The following ADGRL2 variants were observed in gnomAD, a reference collection of about 807,000 sequenced individuals.
The protein encoded by ADGRL2 is calcium-independent alpha-latrotoxin receptor 2.
In ADGRL2, 44 loss-of-function variants were observed where a neutral mutation model predicts 157.4. The ratio of observed to expected loss-of-function variants is 0.28; its 90% CI spans 0.22 to 0.36. ADGRL2 has a LOEUF of 0.36. Ranked by LOEUF, ADGRL2 falls within the 10% of genes least tolerant of loss-of-function variation. The pLI is 1.00. For synonymous variants in ADGRL2, 585 were observed against 624.7 expected (o/e 0.94, Z 0.95); for missense variants, 1,510 against 1,768.9 (o/e 0.85, Z 2.63).
At chr1:81,599,651 C>G (rs751090698) in intron 3 of ADGRL2, among the ~76,000 whole-genome samples, 8 of 152,084 alleles carry the variant, frequency 5.3e-5, no homozygotes, top group Non-Finnish European at 2.9e-5. Context: ...ATTCATCTTT[C>G]CATACAGTTT....
intron 1 of ADGRL2, among the ~76,000 whole-genome samples, chr1:81,804,073 A>G (rs1039405298): frequency 2.6e-5 from 4 of 152,202 alleles, no homozygotes; most frequent in African/African-American, 9.6e-5. Flanking sequence ...TTTGGTACTC[A>G]TCTGTGGCAA....
At chr1:81,330,247 T>A (rs1049812312) in intron 1 of ADGRL2, among the ~76,000 whole-genome samples, 1 of 152,078 alleles carries the variant, frequency 6.6e-6, no homozygotes, top group African/African-American at 2.4e-5. Flanking sequence ...CAGAAGATAA[T>A]CTCAAATACT....
At chr1:81,705,197 A>G (rs193086089) in intron 1 of ADGRL2, among the ~76,000 whole-genome samples, 68 of 152,172 alleles carry the variant, frequency 4.5e-4, no homozygotes, top group African/African-American at 1.6e-3. Flanking sequence ...GATTACAGGC[A>G]TCCGCCACCA....
chr1:81,636,308 T>C (rs1341563478), intron 3 of ADGRL2, among the ~76,000 whole-genome samples: 1 of 152,248 alleles, frequency 6.6e-6, no homozygotes, highest in African/African-American at 2.4e-5. Context: ...TGTGTGTATG[T>C]ATGTAGGAAA....
intron 3 of ADGRL2, among the ~76,000 whole-genome samples, chr1:81,683,638 C>T (rs928949778): frequency 6.6e-6 from 1 of 151,780 alleles, no homozygotes; most frequent in African/African-American, 2.4e-5. Flanking sequence ...CCTTTTATGG[C>T]TGCGTAGTAT....
At chr1:81,674,472 A>G (rs1252094388) in intron 3 of ADGRL2, among the ~76,000 whole-genome samples, 1 of 152,172 alleles carries the variant, frequency 6.6e-6, no homozygotes, top group Non-Finnish European at 1.5e-5. Flanking sequence ...CTAGTCAGGC[A>G]TGTGCACCGG....
intron 1 of ADGRL2, among the ~76,000 whole-genome samples, chr1:81,402,185 GGGGTCCTGATA>G (rs2076769022): frequency 6.6e-6 from 1 of 152,080 alleles, no homozygotes; most frequent in African/African-American, 2.4e-5. Flanking sequence ...CCTATACTGT[GGGGTCCTGATA>G]GGATCCTTGC....
chr1:81,316,055 C>G (rs185736799), intron 1 of ADGRL2, among the ~76,000 whole-genome samples: 1 of 151,764 alleles, frequency 6.6e-6, no homozygotes, highest in Admixed American at 6.6e-5. Context: ...GGGAAATCTT[C>G]CTTTCTTCCC....
At chr1:81,674,787 C>T (rs1452421607) in intron 3 of ADGRL2, among the ~76,000 whole-genome samples, 1 of 152,124 alleles carries the variant, frequency 6.6e-6, no homozygotes, top group Non-Finnish European at 1.5e-5. Flanking sequence ...ATTGGCACTA[C>T]AGGCACATTG....
intron 1 of ADGRL2, among the ~76,000 whole-genome samples, chr1:81,707,610 G>A (rs555333294): frequency 3.3e-4 from 50 of 151,976 alleles, no homozygotes; most frequent in Middle Eastern, 3.4e-3. Flanking sequence ...CTAAATGAAG[G>A]TATATCTTTC....
chr1:81,953,419 C>T (rs1266658717), intron 10 of ADGRL2, among the ~76,000 whole-genome samples: 2 of 152,058 alleles, frequency 1.3e-5, no homozygotes, highest in East Asian at 3.9e-4. Flanking sequence ...ATGAAAAAGT[C>T]ACTGCTTTCT....
rs78361086 is a variant in ADGRL2, at chr1:81,334,076, G to C, written c.-302+27567G>C. ...AATAAAACAAATAATCCAGTTTATGGCATTTTGTTACAGCAGTTCAAATAG... is the reference window on the plus strand; with the variant it reads ...AATAAAACAAATAATCCAGTTTATGCCATTTTGTTACAGCAGTTCAAATAG... On this transcript the variant is annotated intron_variant, in intron 1 of 24. Coordinates refer to the ADGRL2 transcript ENST00000370721. Among the ~76,000 whole-genome samples, 775 of 152,240 alleles carry C rather than the reference G, an allele frequency of 5.1e-3. 8 individuals carry two copies. The highest frequency in any genetic ancestry group is 0.018 in the African/African-American group (748 of 41,538).
chr1:81,383,808 CAAA>C (rs56660027), intron 1 of ADGRL2, among the ~76,000 whole-genome samples: 20 of 104,314 alleles, frequency 1.9e-4, no homozygotes, highest in African/African-American at 7.3e-4. Flanking sequence ...ACTAAAAATA[CAAA>C]AAAAAAAAAA....
intron 1 of ADGRL2, among the ~76,000 whole-genome samples, chr1:81,394,922 C>A (rs910504433): frequency 1.4e-5 from 2 of 147,204 alleles, no homozygotes; most frequent in South Asian, 4.3e-4. Flanking sequence ...TTTATTTAGA[C>A]GAGTCTTGCT....
intron 1 of ADGRL2, among the ~76,000 whole-genome samples, chr1:81,411,086 A>T (rs1570892216): frequency 1.3e-5 from 2 of 152,306 alleles, no homozygotes; most frequent in South Asian, 2.1e-4. Flanking sequence ...CTCCAAAATG[A>T]TTGGAGGAGT....
chr1:81,845,554 T>C (rs185069230), intron 2 of ADGRL2, among the ~76,000 whole-genome samples: 1 of 152,208 alleles, frequency 6.6e-6, no homozygotes, highest in Non-Finnish European at 1.5e-5. Context: ...AAATTTGTAA[T>C]TTGGGGGATA....
At chr1:81,327,161 G>A (rs1002969444) in intron 1 of ADGRL2, among the ~76,000 whole-genome samples, 1 of 152,006 alleles carries the variant, frequency 6.6e-6, no homozygotes, top group Non-Finnish European at 1.5e-5. Flanking sequence ...TTAGCACATC[G>A]ATGTTTTATG....
At chr1:81,901,213 A>C (rs2094479903) in intron 2 of ADGRL2, among the ~76,000 whole-genome samples, 1 of 152,216 alleles carries the variant, frequency 6.6e-6, no homozygotes, top group Non-Finnish European at 1.5e-5. Flanking sequence ...TTAGCATATA[A>C]GGATTTTAAA....
intron 1 of ADGRL2, among the ~76,000 whole-genome samples, chr1:81,337,794 G>C (rs552099998): frequency 6.6e-6 from 1 of 152,156 alleles, no homozygotes; most frequent in South Asian, 2.1e-4. Context: ...TAATTCTTAA[G>C]CATTGGATTG....
Sources: gnomAD v4.1 joint callset for allele counts (sites outside exome capture counted in the v4.1 genomes callset) on GRCh38, gnomAD v4.1.1 for gene constraint, MANE v1.5 for transcripts, NCBI Gene and HGNC (gene_info 2026-07-23, HGNC 2026-07-21) for gene names.